SLC24A4: variants seen among roughly 807,000 people sequenced by gnomAD.
The protein encoded by SLC24A4 is solute carrier family 24 member 4, also known as sodium/potassium/calcium exchanger 4.
A neutral mutation model predicts 79.0 loss-of-function variants in SLC24A4; 53 were observed. The ratio of observed to expected loss-of-function variants is 0.67; its 90% CI spans 0.54 to 0.84. The LOEUF (loss-of-function observed/expected upper bound fraction) is 0.84, where lower values mean the gene tolerates loss of function less well. SLC24A4 is among the 40% of genes least tolerant of loss of function. The pLI, the probability that SLC24A4 is intolerant of heterozygous loss-of-function variation, is 0.00. For synonymous variants in SLC24A4, 323 were observed against 323.8 expected (o/e 1.00, Z 0.03); for missense variants, 731 against 822.0 (o/e 0.89, Z 1.35).
chr14:92,405,616 A>T (rs4243697), intron 2 of SLC24A4, among the ~76,000 whole-genome samples: 1 of 151,884 alleles, frequency 6.6e-6, no homozygotes, highest in African/African-American at 2.4e-5. Context: ...ACTTACAATC[A>T]TGGCAGAAGG....
At chr14:92,407,460 C>T (rs184327073) in intron 2 of SLC24A4, among the ~76,000 whole-genome samples, 1 of 152,280 alleles carries the variant, frequency 6.6e-6, no homozygotes, top group Admixed American at 6.5e-5. Context: ...CTGTATTAAT[C>T]CATCCTTATA....
At chr14:92,382,710 C>A (rs1465414654) in intron 2 of SLC24A4, among the ~76,000 whole-genome samples, 1 of 152,168 alleles carries the variant, frequency 6.6e-6, no homozygotes, top group Non-Finnish European at 1.5e-5. Flanking sequence ...GGCCACCTAA[C>A]CCTACCTGGA....
chr14:92,368,884 C>T (rs1028730311), intron 2 of SLC24A4, among the ~76,000 whole-genome samples: 2 of 152,184 alleles, frequency 1.3e-5, no homozygotes, highest in African/African-American at 2.4e-5. Flanking sequence ...AGGGGATTAA[C>T]GGCAAGTGCA....
chr14:92,403,174 G>A (rs895188551), intron 2 of SLC24A4, among the ~76,000 whole-genome samples: 5 of 152,118 alleles, frequency 3.3e-5, no homozygotes, highest in Non-Finnish European at 7.3e-5. Context: ...GGTTGACGAA[G>A]TCCTCTGGGT....
At position 92,456,556 on chromosome 14, in the gene SLC24A4, G is replaced by A. The variant is rs77671856; in HGVS notation, c.1203G>A (p.Pro401=). The change falls in exon 12 of 17, where the codon CCG becomes CCA. Residue 401 remains proline, a synonymous_variant. Coordinates refer to ENST00000532405, the MANE Select transcript of SLC24A4 (RefSeq NM_153646.4). ...QEQQPPPQPP[P]PEPEPVEADF... ...AGCAGCCGCCGCCACAGCCACCACC[G>A]CCAGAGCCAGAGCCGGTGGAGGCTG... 0.23 allele frequency: 374,196 copies of A among 1,613,806 alleles called. 45,075 individuals are homozygous for A. Among genetic ancestry groups the A allele is most frequent in the Middle Eastern group, 0.29 (1,738 of 6,026 alleles).
At chr14:92,378,082 C>A (rs1159817057) in intron 2 of SLC24A4, among the ~76,000 whole-genome samples, 1 of 152,120 alleles carries the variant, frequency 6.6e-6, no homozygotes, top group Non-Finnish European at 1.5e-5. Context: ...AGTCGGCTGC[C>A]TTCTCTTATC....
chr14:92,458,844 ACCAGATGCCAGGGAGGG>A (rs1442474564), intron 12 of SLC24A4, among the ~76,000 whole-genome samples: 1 of 152,098 alleles, frequency 6.6e-6, no homozygotes, highest in African/African-American at 2.4e-5. Flanking sequence ...GGTCCTGGAG[ACCAGATGCCAGGGAGGG>A]CCAGAGTGCC....
chr14:92,357,743 A>G (rs1252611706), intron 2 of SLC24A4, among the ~76,000 whole-genome samples: 2 of 152,224 alleles, frequency 1.3e-5, no homozygotes, highest in African/African-American at 4.8e-5. Context: ...GGGAAGATGG[A>G]AAGAGTTCTG....
intron 8 of SLC24A4, among the ~76,000 whole-genome samples, chr14:92,445,630 T>C (rs1203680248): frequency 6.6e-6 from 1 of 152,110 alleles, no homozygotes; most frequent in Non-Finnish European, 1.5e-5. Flanking sequence ...CATAGGCCAA[T>C]ATGGAATGCA....
At chr14:92,472,243 T>C (rs1373088410) in intron 12 of SLC24A4, among the ~76,000 whole-genome samples, 1 of 151,998 alleles carries the variant, frequency 6.6e-6, no homozygotes, top group Non-Finnish European at 1.5e-5. Context: ...TATTCAGTTC[T>C]CTTTTTTTAA....
chr14:92,482,869 G>A (rs1185368845), intron 13 of SLC24A4, 23 bp downstream of exon 13: 6 of 1,596,184 alleles, frequency 3.8e-6, no homozygotes, highest in East Asian at 2.2e-5. Flanking sequence ...AGCAGGGGGT[G>A]GACTGTGTGC....
Position 92,482,745 on chromosome 14 carries a change from A to C in SLC24A4, c.1321A>C (p.Ile441Leu). ...CCTCATCTTCCTCCTGTGCGTCACC[A>C]TTCCCAACTGCAGCAAGCCCCGCTG... ...WPLIFLLCVTIPNCSKPRWEK... is the reference protein window; with the variant it reads ...WPLIFLLCVTLPNCSKPRWEK... Residue 441 changes from isoleucine (I) to leucine (L), a missense_variant, in exon 13 of 17, where the codon ATT becomes CTT. Ile to Leu is a conservative substitution (Grantham distance 5, BLOSUM62 2). Transcript: ENST00000532405. The C allele has an allele frequency of 2.5e-6, 4 of 1,614,134 alleles. No homozygotes were observed. Among genetic ancestry groups the C allele is most frequent in the Non-Finnish European group, 3.4e-6 (4 of 1,180,012 alleles).
In SLC24A4 at chr14:92,388,209, G is replaced by T. The variant is rs76327084; in HGVS notation, c.242-45703G>T. 5.6e-3 allele frequency among the ~76,000 whole-genome samples: 848 copies of T among 152,274 alleles called. 11 individuals are homozygous for T. The highest frequency in any genetic ancestry group is 0.02 in the African/African-American group (811 of 41,536). On this transcript the variant is annotated intron_variant, in intron 2 of 16. Coordinates refer to ENST00000532405, the MANE Select transcript of SLC24A4 (RefSeq NM_153646.4). ...CCAGCCTCCCCTTGGCATCTGCCTT[G>T]TACTGTTTTCCTCTCTTAAGGCCCG...
At chr14:92,354,142 CGTACACCATATTATTTTACT>C (rs981319330) in intron 2 of SLC24A4, among the ~76,000 whole-genome samples, 2 of 151,468 alleles carry the variant, frequency 1.3e-5, no homozygotes, top group African/African-American at 4.9e-5. Flanking sequence ...GCCAGGTGAT[CGTACACCATATTATTTTACT>C]GACTACTTTT....
intron 2 of SLC24A4, among the ~76,000 whole-genome samples, chr14:92,385,904 G>C (rs1889131377): frequency 1.3e-5 from 2 of 152,222 alleles, no homozygotes; most frequent in African/African-American, 4.8e-5. Flanking sequence ...GAGGTAAGGT[G>C]AGTGGGCGGC....
chr14:92,445,634 G>T (rs892734149), intron 8 of SLC24A4, among the ~76,000 whole-genome samples: 1 of 152,196 alleles, frequency 6.6e-6, no homozygotes, highest in African/African-American at 2.4e-5. Flanking sequence ...GGCCAATATG[G>T]AATGCAGTAA....
At chr14:92,468,206 C>T (rs1180122449) in intron 12 of SLC24A4, among the ~76,000 whole-genome samples, 1 of 152,090 alleles carries the variant, frequency 6.6e-6, no homozygotes, top group Non-Finnish European at 1.5e-5. Flanking sequence ...GTAAATTTAG[C>T]AAAAGCAGTA....
At chr14:92,434,740 T>C (rs1250373054) in intron 3 of SLC24A4, among the ~76,000 whole-genome samples, 1 of 152,196 alleles carries the variant, frequency 6.6e-6, no homozygotes, top group Non-Finnish European at 1.5e-5. Flanking sequence ...CAGTAGTTAA[T>C]TGGGTTAAAT....
intron 9 of SLC24A4, among the ~76,000 whole-genome samples, chr14:92,448,070 A>G (rs911128481): frequency 6.6e-6 from 1 of 152,226 alleles, no homozygotes; most frequent in Non-Finnish European, 1.5e-5. Context: ...CAGTCACAAA[A>G]GGACAACTAT....
Sources: gnomAD v4.1 joint callset for allele counts (sites outside exome capture counted in the v4.1 genomes callset) on GRCh38, gnomAD v4.1.1 for gene constraint, MANE v1.5 for transcripts, NCBI Gene and HGNC (gene_info 2026-07-23, HGNC 2026-07-21) for gene names.